CYP2C18: variants seen among roughly 807,000 people sequenced by gnomAD.
CYP2C18 encodes the protein cytochrome P450 2C18.
CYP2C18 carries 38 observed loss-of-function variants against 41.3 expected under a neutral mutation model. The observed-to-expected ratio is 0.92, with a 90% CI of 0.71 to 1.21. The LOEUF (loss-of-function observed/expected upper bound fraction) is 1.21. Among genes scored for constraint, CYP2C18 ranks in the 50% most tolerant of loss-of-function variants. The pLI is 0.00. For synonymous variants in CYP2C18, 236 were observed against 210.0 expected, an observed-to-expected ratio of 1.12 and a Z score of -1.07; for missense variants, 635 against 591.4, an observed-to-expected ratio of 1.07 and a Z score of -0.77.
At chr10:94,718,158 C>A (rs989264787) in intron 5 of CYP2C18, among the ~76,000 whole-genome samples, 1 of 151,742 alleles carries the variant, frequency 6.6e-6, no homozygotes, top group South Asian at 2.1e-4. Context: ...TGGTGACTTT[C>A]ACTTTTTTGG....
At chr10:94,692,935 T>C (rs1847035660) in intron 3 of CYP2C18, among the ~76,000 whole-genome samples, 1 of 151,812 alleles carries the variant, frequency 6.6e-6, no homozygotes. Context: ...ACATCACATG[T>C]TCTCACTCAT....
intron 5 of CYP2C18, among the ~76,000 whole-genome samples, chr10:94,717,632 G>C (rs936778333): frequency 6.6e-6 from 1 of 152,050 alleles, no homozygotes; most frequent in Non-Finnish European, 1.5e-5. Flanking sequence ...TGAGTTGCTT[G>C]AGTATATGGT....
intron 4 of CYP2C18, among the ~76,000 whole-genome samples, chr10:94,699,665 T>C (rs1419340262): frequency 6.6e-6 from 1 of 152,082 alleles, no homozygotes; most frequent in East Asian, 1.9e-4. Context: ...AATATTCAAT[T>C]AGTAAAGGAG....
intron 6 of CYP2C18, among the ~76,000 whole-genome samples, chr10:94,723,841 A>G (rs1482983813): frequency 1.3e-5 from 2 of 152,176 alleles, no homozygotes; most frequent in South Asian, 4.1e-4. Context: ...TTCAGAAGAA[A>G]CTTCTAGAAT....
chr10:94,687,829 G>A lies in CYP2C18; in HGVS notation c.228G>A (p.Val76=). The A allele has an allele frequency of 6.2e-7, 1 of 1,613,838 alleles. No homozygotes were observed. The highest frequency in any genetic ancestry group is 8.5e-7 in the Non-Finnish European group (1 of 1,179,794). Residue 76 remains valine (V), a synonymous_variant, in exon 2 of 9, where the codon GTG becomes GTA. Transcript: ENST00000285979. ...ATTTTGGCCTGAAGCCCATTGTGGTGTTGCATGGATATGAAGCAGTGAAGG... is the reference window on the plus strand; with the variant it reads ...ATTTTGGCCTGAAGCCCATTGTGGTATTGCATGGATATGAAGCAGTGAAGG... The part of the protein sequence containing the change: ...TVYFGLKPIV[V]LHGYEAVKEA...
chr10:94,701,527 G>A (rs7893282), intron 4 of CYP2C18, among the ~76,000 whole-genome samples: 25,510 of 152,066 alleles, frequency 0.17, 2,340 homozygotes, highest in South Asian at 0.33. Flanking sequence ...TAAATGAAGA[G>A]TTAATGGGTG....
At chr10:94,733,241 T>C in intron 7 of CYP2C18, 56 bp from the exon 8 acceptor site, 1 of 1,542,792 alleles carries the variant, frequency 6.5e-7, no homozygotes, top group Non-Finnish European at 8.9e-7. Flanking sequence ...TTTCCATCAC[T>C]TCTTCCCACT....
At chr10:94,697,330 A>C (rs1847136580) in intron 4 of CYP2C18, among the ~76,000 whole-genome samples, 2 of 152,268 alleles carry the variant, frequency 1.3e-5, no homozygotes, top group Non-Finnish European at 1.5e-5. Flanking sequence ...AATATTCAAC[A>C]TTCTTAAAGA....
At chr10:94,695,939 G>T (rs895148014) in intron 4 of CYP2C18, among the ~76,000 whole-genome samples, 1 of 152,158 alleles carries the variant, frequency 6.6e-6, no homozygotes, top group Non-Finnish European at 1.5e-5. Flanking sequence ...TGGGGGAGGG[G>T]GGCCTGCCAT....
At chr10:94,689,115 T>C (rs1359117951) in intron 3 of CYP2C18, among the ~76,000 whole-genome samples, 2 of 152,210 alleles carry the variant, frequency 1.3e-5, no homozygotes, top group East Asian at 3.8e-4. Context: ...ATTAAAATTA[T>C]CAGCTGGTGT....
intron 6 of CYP2C18, among the ~76,000 whole-genome samples, chr10:94,722,344 A>AACTTT (rs1194687442): frequency 6.6e-6 from 1 of 152,108 alleles, no homozygotes; most frequent in Non-Finnish European, 1.5e-5. Context: ...ATCTATGAGC[A>AACTTT]GATTCTGGCT....
intron 5 of CYP2C18, among the ~76,000 whole-genome samples, chr10:94,711,981 A>G (rs529565513): frequency 8.7e-4 from 128 of 146,758 alleles, no homozygotes; most frequent in Middle Eastern, 3.6e-3. Flanking sequence ...ATATGGGACA[A>G]CAGGTGCATG....
chr10:94,733,986 T>C (rs1023079626), intron 8 of CYP2C18, among the ~76,000 whole-genome samples: 1 of 152,000 alleles, frequency 6.6e-6, no homozygotes, highest in African/African-American at 2.4e-5. Flanking sequence ...AGTGGGGGAA[T>C]CTGCCTGCTT....
intron 3 of CYP2C18, among the ~76,000 whole-genome samples, chr10:94,694,100 C>T (rs559793987): frequency 2.5e-4 from 38 of 151,944 alleles, no homozygotes; most frequent in South Asian, 2.1e-3. Context: ...GAACAATAAC[C>T]GAGGATTCTA....
chr10:94,702,059 G>A (rs1289320403), intron 4 of CYP2C18, among the ~76,000 whole-genome samples: 1 of 152,052 alleles, frequency 6.6e-6, no homozygotes, highest in Non-Finnish European at 1.5e-5. Flanking sequence ...TTGAATAGTG[G>A]CCCCCACTCT....
intron 4 of CYP2C18, among the ~76,000 whole-genome samples, chr10:94,700,030 A>G (rs752704807): frequency 6.6e-6 from 1 of 152,164 alleles, no homozygotes; most frequent in Non-Finnish European, 1.5e-5. Flanking sequence ...AAGAATCAAT[A>G]TCATGAAGAC....
At chr10:94,694,154 G>A (rs1212631569) in intron 3 of CYP2C18, among the ~76,000 whole-genome samples, 2 of 152,072 alleles carry the variant, frequency 1.3e-5, no homozygotes, top group East Asian at 3.9e-4. Context: ...ATAGTGCCTG[G>A]TGATAATAGA....
At position 94,711,456 on chromosome 10, in the gene CYP2C18, T is replaced by G. The variant is rs988035574; in HGVS notation, c.819+4496T>G. On this transcript the variant is annotated intron_variant, in intron 5 of 8. Coordinates refer to ENST00000285979, the MANE Select transcript of CYP2C18 (RefSeq NM_000772.3). The stretch of plus-strand genomic sequence containing the variant: ...CAGAGTCTTACTCTGTCACCCAGGC[T>G]GGAATGCATTGGCATGATTGTGGCT... Among the ~76,000 whole-genome samples, 6 of 152,148 alleles carry G rather than the reference T, an allele frequency of 3.9e-5. No individual in the cohort carries two copies. The East Asian group carries it at 9.6e-4, about 24-fold the overall frequency.
chr10:94,697,731 G>A (rs1847147089), intron 4 of CYP2C18, among the ~76,000 whole-genome samples: 1 of 152,124 alleles, frequency 6.6e-6, no homozygotes, highest in East Asian at 1.9e-4. Context: ...GTATTCAGGA[G>A]AACAATCTCA....
Sources: gnomAD v4.1 joint callset for allele counts (sites outside exome capture counted in the v4.1 genomes callset) on GRCh38, gnomAD v4.1.1 for gene constraint, MANE v1.5 for transcripts, NCBI Gene and HGNC (gene_info 2026-07-23, HGNC 2026-07-21) for gene names.